AASDH: variants seen among roughly 807,000 people sequenced by gnomAD.
AASDH encodes the protein aminoadipate-semialdehyde dehydrogenase.
In AASDH, 81 loss-of-function variants were observed where a neutral mutation model predicts 102.3. The ratio of observed to expected loss-of-function variants is 0.79; its 90% CI spans 0.66 to 0.95. The LOEUF is 0.95. Ranked by LOEUF, AASDH falls within the 40% of genes least tolerant of loss-of-function variation. The pLI is 0.00. For missense variants in AASDH, 1,203 were observed against 1,266.2 expected, an observed-to-expected ratio of 0.95 and a Z score of 0.76; for synonymous variants, 398 against 454.0, an observed-to-expected ratio of 0.88 and a Z score of 1.57.
chr4:56,355,542 A>G (rs1236385648), intron 5 of AASDH, 119 bp from the exon 6 acceptor site: 2 of 867,504 alleles, frequency 2.3e-6, no homozygotes, highest in African/African-American at 3.5e-5. Context: ...GGCTGTGTTT[A>G]TCAAATGGGA....
chr4:56,382,158 GAATAGTGGCTCAC>G (rs1753039311), intron 3 of AASDH: 1 of 256,040 alleles, frequency 3.9e-6, no homozygotes. Flanking sequence ...TCATACTACA[GAATAGTGGCTCAC>G]AATGGAGTGT....
intron 5 of AASDH, among the ~76,000 whole-genome samples, chr4:56,369,488 G>T (rs1373112094): frequency 2.6e-5 from 4 of 152,210 alleles, no homozygotes; most frequent in Admixed American, 6.5e-5. Context: ...GCTACACTCG[G>T]TTCATATATA....
In AASDH at chr4:56,371,372, C is replaced by T. The variant is rs1012503233; in HGVS notation, c.861+79G>A. ...TATATTAATCCATTGTAAAGAACTA[C>T]AGGAATACAAAATATTCTCTAAAAC... is the stretch of plus-strand genomic sequence containing the variant. On this transcript the variant is annotated intron_variant, in intron 5 of 14. Transcript: ENST00000205214. 1.9e-5 allele frequency: 27 copies of T among 1,403,114 alleles called. No homozygotes were observed. The African/African-American group carries it at 3.6e-4, about 18-fold the overall frequency. The allele number at this position is 1,403,114 out of a possible 1,614,324, so 86.9% of individuals were successfully genotyped here.
chr4:56,373,642 A>C (rs1281609680), intron 4 of AASDH, among the ~76,000 whole-genome samples: 1 of 152,216 alleles, frequency 6.6e-6, no homozygotes, highest in Non-Finnish European at 1.5e-5. Flanking sequence ...TGAGCCCAAC[A>C]AAGGCTACCC....
intron 5 of AASDH, among the ~76,000 whole-genome samples, chr4:56,368,531 A>C (rs1394934547): frequency 6.6e-6 from 1 of 152,064 alleles, no homozygotes; most frequent in Non-Finnish European, 1.5e-5. Context: ...ATGGAATACT[A>C]TGCAGCCATA....
At chr4:56,341,936 A>AC (rs1161690189) in intron 14 of AASDH, among the ~76,000 whole-genome samples, 2 of 149,500 alleles carry the variant, frequency 1.3e-5, no homozygotes, top group Non-Finnish European at 3.0e-5. Context: ...ACATGGTGAA[A>AC]CCCCGTCTCT....
intron 14 of AASDH, among the ~76,000 whole-genome samples, chr4:56,340,608 C>T (rs114086052): frequency 0.016 from 2,428 of 152,278 alleles, 75 homozygotes; most frequent in African/African-American, 0.055. Context: ...CACTTCAGGA[C>T]ACTGGTCTAA....
At chr4:56,343,017 G>C (rs1423303471) in intron 13 of AASDH, 51 bp from the exon 14 acceptor site, 5 of 1,459,448 alleles carry the variant, frequency 3.4e-6, no homozygotes, top group Non-Finnish European at 3.6e-6. Context: ...CTACTAATCA[G>C]TTACCCTTTA....
At chr4:56,340,613 G>A (rs1302510529) in intron 14 of AASDH, among the ~76,000 whole-genome samples, 1 of 152,176 alleles carries the variant, frequency 6.6e-6, no homozygotes, top group African/African-American at 2.4e-5. Context: ...CAGGACACTG[G>A]TCTAAGCAAA....
At chr4:56,386,240 A>T (rs924515712) in intron 1 of AASDH, among the ~76,000 whole-genome samples, 3 of 152,200 alleles carry the variant, frequency 2.0e-5, no homozygotes, top group African/African-American at 7.2e-5. Context: ...TGTAAATATA[A>T]GGGAGGCTTT....
At chr4:56,343,752 A>G in intron 12 of AASDH, 68 bp from the exon 13 acceptor site, 1 of 1,445,710 alleles carries the variant, frequency 6.9e-7, no homozygotes, top group Non-Finnish European at 9.4e-7. Flanking sequence ...CCTACCCTTC[A>G]TGATATTATG....
At chr4:56,341,694 C>T (rs1385863660) in intron 14 of AASDH, among the ~76,000 whole-genome samples, 1 of 151,804 alleles carries the variant, frequency 6.6e-6, no homozygotes, top group African/African-American at 2.4e-5. Context: ...AGCCATGATG[C>T]CCAGCCATTG....
intron 5 of AASDH, among the ~76,000 whole-genome samples, chr4:56,355,835 T>G (rs1311462233): frequency 1.3e-5 from 2 of 152,036 alleles, no homozygotes; most frequent in Non-Finnish European, 2.9e-5. Flanking sequence ...TAGGCTGGTC[T>G]TGGACTCCTG....
At chr4:56,375,901 A>G (rs1195506546) in intron 4 of AASDH, among the ~76,000 whole-genome samples, 1 of 151,892 alleles carries the variant, frequency 6.6e-6, no homozygotes, top group African/African-American at 2.4e-5. Context: ...TCCCATCTAA[A>G]TGTATCTTCC....
intron 5 of AASDH, among the ~76,000 whole-genome samples, chr4:56,363,949 A>G (rs1750661802): frequency 1.3e-5 from 2 of 152,206 alleles, no homozygotes; most frequent in Non-Finnish European, 2.9e-5. Flanking sequence ...GTTCGAACCA[A>G]TGGCAAAGAA....
chr4:56,358,353 A>G (rs13102012), intron 5 of AASDH, among the ~76,000 whole-genome samples: 69,181 of 149,714 alleles, frequency 0.46, 16,198 homozygotes, highest in Non-Finnish European at 0.49. Context: ...TTTCCTTCTT[A>G]CCTTATTGTA....
intron 11 of AASDH, among the ~76,000 whole-genome samples, chr4:56,347,932 C>T (rs910005028): frequency 5.9e-5 from 9 of 152,092 alleles, no homozygotes; most frequent in African/African-American, 1.9e-4. Flanking sequence ...GCAGGTGGAT[C>T]ACAAGGTCAG....
chr4:56,383,957 C>G (rs758674744), intron 2 of AASDH, 113 bp downstream of exon 2: 1 of 845,708 alleles, frequency 1.2e-6, no homozygotes, highest in Non-Finnish European at 1.8e-6. Context: ...TACAATTGAC[C>G]AAACAATATA....
At chr4:56,343,410 A>T in intron 13 of AASDH, 152 bp downstream of exon 13, 2 of 501,220 alleles carry the variant, frequency 4.0e-6, no homozygotes, top group Middle Eastern at 5.5e-4. Context: ...ATCTTTCTAG[A>T]TCTCATGTCA....
Sources: gnomAD v4.1 joint callset for allele counts (sites outside exome capture counted in the v4.1 genomes callset) on GRCh38, gnomAD v4.1.1 for gene constraint, MANE v1.5 for transcripts, NCBI Gene and HGNC (gene_info 2026-07-23, HGNC 2026-07-21) for gene names.